NAXD: variants seen among roughly 807,000 people sequenced by gnomAD.
The protein encoded by NAXD is NAD(P)HX dehydratase, also known as ATP-dependent (S)-NAD(P)H-hydrate dehydratase.
Under a neutral mutation model 35.8 loss-of-function variants are expected in NAXD, and 22 were observed. That is an observed-to-expected ratio of 0.62 (90% CI 0.44 to 0.88). The LOEUF is 0.88. NAXD is among the 40% of genes least tolerant of loss of function. The probability of loss-of-function intolerance (pLI) is 0.00; values close to 1 mark genes in which losing one functional copy is unlikely to be tolerated. For missense variants in NAXD, 428 were observed against 437.7 expected (o/e 0.98, Z 0.20); for synonymous variants, 189 against 177.6 (o/e 1.06, Z -0.51).
Position 110,638,908 on chromosome 13 carries a change from C to CA in NAXD, c.*380_*381insA. On this transcript the variant is annotated 3_prime_UTR_variant, in exon 10 of 10. Transcript: ENST00000680254. The surrounding 1 kb of genome is among the most constrained non-coding windows in gnomAD (Gnocchi z 5.4). Reference sequence around the variant, plus strand: ...TGTTACTCTCTCTGCCGGCGCCCTTCGTTCCTCCTCTGCTTCCCTTCCCTA... The same window carrying CA: ...TGTTACTCTCTCTGCCGGCGCCCTTCAGTTCCTCCTCTGCTTCCCTTCCCTA... 3.0e-6 allele frequency: 1 copy of CA among 335,574 alleles called. No homozygotes were observed. 20.8% of individuals were successfully genotyped at this position (335,574 alleles called of 1,614,324 possible).
rs1418195268 is a variant in NAXD, at chr13:110,628,287, G to A, written c.441+740G>A. The stretch of plus-strand genomic sequence containing the variant: ...TGAGACCCTTTCTCAAGTTCCGGGG[G>A]ACCCCTGTTAGAGCTCCTGGGGGAA... On this transcript the variant is annotated intron_variant, in intron 5 of 9. Coordinates refer to ENST00000680254, the MANE Select transcript of NAXD (RefSeq NM_001242882.2). The surrounding 1 kb of genome is among the most constrained non-coding windows in gnomAD (Gnocchi z 4.1). Among the ~76,000 whole-genome samples, 1 of 152,170 alleles carries A rather than the reference G, an allele frequency of 6.6e-6. No individual in the cohort carries two copies. The highest frequency in any genetic ancestry group is 1.5e-5 in the Non-Finnish European group (1 of 68,040).
chr13:110,616,430 C>G (rs1436266034), intron 1 of NAXD: 1 of 152,424 alleles, frequency 6.6e-6, no homozygotes, highest in Non-Finnish European at 1.5e-5. Flanking sequence ...TGTGTGTGTG[C>G]GTGTAGGAGG....
Position 110,627,500 on chromosome 13 carries a change from G to A in NAXD, c.394G>A (p.Val132Ile), listed in dbSNP as rs41306678. Residue 132 changes from valine (V) to isoleucine (I), a missense_variant, in exon 5 of 10, where the codon GTA (valine) becomes ATA (isoleucine). Transcript: ENST00000680254. Reference sequence around the variant, plus strand: ...GCTGCCCCGGCTGCATGCTCTTGTCGTAGGACCTGGCTTGGGTAGAGATGA... The same window carrying A: ...GCTGCCCCGGCTGCATGCTCTTGTCATAGGACCTGGCTTGGGTAGAGATGA... ...KWLPRLHALV[V>I]GPGLGRDDAL... 343 of 1,614,060 alleles carry A rather than the reference G, an allele frequency of 2.1e-4. No homozygotes were observed. Among genetic ancestry groups the A allele is most frequent in the Non-Finnish European group, 2.7e-4 (313 of 1,179,970 alleles).
intron 5 of NAXD, among the ~76,000 whole-genome samples, chr13:110,627,959 G>A (rs79085219): frequency 0.038 from 5,829 of 152,262 alleles, 389 homozygotes; most frequent in African/African-American, 0.13. Context: ...CAGCCCTGGC[G>A]CCATGCTCTG....
intron 8 of NAXD, 56 bp from the exon 9 acceptor site, chr13:110,637,069 TACTG>T: frequency 6.5e-7 from 1 of 1,546,330 alleles, no homozygotes; most frequent in Non-Finnish European, 8.7e-7. Context: ...CACCCGTGGC[TACTG>T]TCACATTCAC....
chr13:110,620,826 C>T (rs1027162165), intron 1 of NAXD, among the ~76,000 whole-genome samples: 2 of 152,178 alleles, frequency 1.3e-5, no homozygotes, highest in Admixed American at 1.3e-4. Context: ...TTCTCTGCTG[C>T]TGAGATAATT....
At chr13:110,622,115 C>A in intron 1 of NAXD, 101 bp from the exon 2 acceptor site, 2 of 904,696 alleles carry the variant, frequency 2.2e-6, no homozygotes, top group Non-Finnish European at 3.2e-6. Context: ...AAATCTATAG[C>A]ATTCGTAATA....
intron 5 of NAXD, among the ~76,000 whole-genome samples, chr13:110,634,280 G>T (rs1197074391): frequency 3.3e-5 from 5 of 152,166 alleles, no homozygotes; most frequent in Admixed American, 3.3e-4. Context: ...ATGAACAGGC[G>T]TTTACTGGCT....
intron 1 of NAXD, among the ~76,000 whole-genome samples, chr13:110,617,667 C>T (rs75871514): frequency 0.02 from 2,996 of 152,258 alleles, 31 homozygotes; most frequent in Non-Finnish European, 0.03. Context: ...CTTATTTTGC[C>T]TTAAAATGGC....
intron 9 of NAXD, 72 bp downstream of exon 9, chr13:110,637,321 G>A (rs1038914294): frequency 9.7e-6 from 15 of 1,542,916 alleles, no homozygotes; most frequent in Non-Finnish European, 1.3e-5. Flanking sequence ...TAGCTCATGC[G>A]TTGAATAAGT....
intron 1 of NAXD, among the ~76,000 whole-genome samples, chr13:110,621,582 G>C (rs927785838): frequency 1.3e-5 from 2 of 152,256 alleles, no homozygotes; most frequent in African/African-American, 4.8e-5. Flanking sequence ...TGTAATCCCA[G>C]ATACTCCGGA....
At chr13:110,622,155 A>G (rs1287545339) in intron 1 of NAXD, 61 bp from the exon 2 acceptor site, 1 of 1,414,140 alleles carries the variant, frequency 7.1e-7, no homozygotes, top group Admixed American at 2.1e-5. Context: ...TTAATGGGCT[A>G]TTATGTGTAC....
At chr13:110,634,640 G>A (rs367689467) in intron 6 of NAXD, 32 bp from the exon 7 acceptor site, 1 of 1,614,000 alleles carries the variant, frequency 6.2e-7, no homozygotes, top group East Asian at 2.2e-5. Context: ...CGGAAGGCCT[G>A]TGCAGTGAGC....
intron 5 of NAXD, among the ~76,000 whole-genome samples, chr13:110,633,569 G>A (rs1010488091): frequency 6.6e-6 from 1 of 152,238 alleles, no homozygotes; most frequent in African/African-American, 2.4e-5. Flanking sequence ...GGGCTCTGAG[G>A]ACTGCCAGCA....
At chr13:110,637,309 A>G (rs567458785) in intron 9 of NAXD, 60 bp downstream of exon 9, 5 of 1,594,402 alleles carry the variant, frequency 3.1e-6, no homozygotes, top group African/African-American at 2.7e-5. Flanking sequence ...AAGCTGTTTC[A>G]GTAGCTCATG....
In NAXD at chr13:110,636,988, G is replaced by T. The variant is rs1471188708; in HGVS notation, c.719-141G>T. On this transcript the variant is annotated intron_variant, in intron 8 of 9. Coordinates refer to ENST00000680254, the MANE Select transcript of NAXD (RefSeq NM_001242882.2). ...TTGGAACAAACAGGGAAGAGCCGTA[G>T]CAGGCAGGATGTGAGTGGAGCCTCA... The T allele has an allele frequency of 3.3e-6, 3 of 918,802 alleles. No individual in the cohort carries two copies. In the East Asian group the frequency reaches 8.5e-5, roughly 26 times the overall value. The allele number at this position is 918,802 out of a possible 1,614,324, so 56.9% of individuals were successfully genotyped here.
rs1887055982 is a variant in NAXD at position 110,638,911 on chromosome 13, TC to T, written c.*385del. The T allele has an allele frequency of 6.1e-6, 2 of 325,384 alleles. No homozygotes were observed. The highest frequency in any genetic ancestry group is 4.7e-5 in the Admixed American group (1 of 21,412). 20.2% of individuals were successfully genotyped at this position (325,384 alleles called of 1,614,324 possible). ...TACTCTCTCTGCCGGCGCCCTTCGT[TC>T]CTCCTCTGCTTCCCTTCCCTAGTCT... On this transcript the variant is annotated 3_prime_UTR_variant, in exon 10 of 10. Transcript: ENST00000680254. This position sits in a 1 kb window ranked among gnomAD's most constrained non-coding sequence, Gnocchi z 5.4.
In NAXD at chr13:110,628,849, G is replaced by A. The variant is rs1886599047; in HGVS notation, c.441+1302G>A. On this transcript the variant is annotated intron_variant, in intron 5 of 9. Coordinates refer to ENST00000680254, the MANE Select transcript of NAXD (RefSeq NM_001242882.2). This position sits in a 1 kb window ranked among gnomAD's most constrained non-coding sequence, Gnocchi z 4.1. ...ATCCTGGGGGTGCGGATGAATTAGA[G>A]GTGAACGAGCCAGAGTGCTCTGCTT... 6.6e-6 allele frequency among the ~76,000 whole-genome samples: 1 copy of A among 152,172 alleles called. No homozygotes were observed. The highest frequency in any genetic ancestry group is 1.5e-5 in the Non-Finnish European group (1 of 68,034).
chr13:110,638,036 G>A lies in NAXD; in HGVS notation c.840-342G>A, dbSNP rs140233383. Among the ~76,000 whole-genome samples the A allele has an allele frequency of 3.3e-5, 5 of 152,278 alleles. No individual in the cohort carries two copies. Among genetic ancestry groups the A allele is most frequent in the East Asian group, 1.9e-4 (1 of 5,176 alleles). On this transcript the variant is annotated intron_variant, in intron 9 of 9. Coordinates refer to ENST00000680254, the MANE Select transcript of NAXD (RefSeq NM_001242882.2). The surrounding 1 kb of genome is among the most constrained non-coding windows in gnomAD (Gnocchi z 5.4). ...GAATCCCCATTCTCAGACCTCAGAT[G>A]CCCTCTGCACCTGGGCACTGAGAGC...
Sources: gnomAD v4.1 joint callset for allele counts (sites outside exome capture counted in the v4.1 genomes callset) on GRCh38, gnomAD v4.1.1 for gene constraint, Gnocchi (gnomAD v3.1) non-coding constraint, MANE v1.5 for transcripts, NCBI Gene and HGNC (gene_info 2026-07-23, HGNC 2026-07-21) for gene names.